The following SLC35F1 variants were observed in gnomAD, a reference collection of about 807,000 sequenced individuals.
SLC35F1 encodes solute carrier family 35 member F1, also known as chromosome 6 open reading frame 169.
Under a neutral mutation model 48.7 loss-of-function variants are expected in SLC35F1, and 14 were observed. The observed-to-expected ratio is 0.29, with a 90% CI of 0.19 to 0.45. The LOEUF (loss-of-function observed/expected upper bound fraction) is 0.45. Ranked by LOEUF, SLC35F1 falls within the 20% of genes least tolerant of loss-of-function variation. SLC35F1 has a pLI of 1.00. For missense variants in SLC35F1, 404 were observed against 500.0 expected (o/e 0.81, Z 1.83); for synonymous variants, 190 against 202.2 (o/e 0.94, Z 0.51).
chr6:117,935,311 T>C (rs1471715148), intron 1 of SLC35F1, among the ~76,000 whole-genome samples: 3 of 152,228 alleles, frequency 2.0e-5, no homozygotes, highest in African/African-American at 7.2e-5. Flanking sequence ...TTATGCTCTA[T>C]AAAGTTGCTG....
intron 1 of SLC35F1, among the ~76,000 whole-genome samples, chr6:118,098,410 C>T (rs932655157): frequency 5.9e-5 from 9 of 152,000 alleles, no homozygotes; most frequent in African/African-American, 2.2e-4. Flanking sequence ...ATTCCTTGAG[C>T]CAGAAATTAT....
At chr6:118,066,169 CT>C (rs1336065643) in intron 1 of SLC35F1, among the ~76,000 whole-genome samples, 3 of 152,106 alleles carry the variant, frequency 2.0e-5, no homozygotes, top group African/African-American at 7.2e-5. Flanking sequence ...TAGAAAAATA[CT>C]TTTTTGTAAC....
chr6:118,085,954 GA>G (rs1772984534), intron 1 of SLC35F1, among the ~76,000 whole-genome samples: 1 of 151,978 alleles, frequency 6.6e-6, no homozygotes, highest in Non-Finnish European at 1.5e-5. Context: ...TTGAGTTCAT[GA>G]AAAATATGAA....
intron 1 of SLC35F1, among the ~76,000 whole-genome samples, chr6:117,933,319 G>A (rs1005209846): frequency 6.6e-6 from 1 of 152,020 alleles, no homozygotes; most frequent in African/African-American, 2.4e-5. Flanking sequence ...TAAACTCTAC[G>A]AAGCTCTTCA....
intron 1 of SLC35F1, among the ~76,000 whole-genome samples, chr6:118,049,340 C>T (rs1772350152): frequency 6.6e-6 from 1 of 152,056 alleles, no homozygotes; most frequent in Non-Finnish European, 1.5e-5. Flanking sequence ...AAAGCAATGG[C>T]AACAAAAGCC....
At chr6:118,123,593 G>C (rs972469508) in intron 1 of SLC35F1, among the ~76,000 whole-genome samples, 3 of 152,116 alleles carry the variant, frequency 2.0e-5, no homozygotes, top group African/African-American at 7.2e-5. Context: ...GCCAATTTTG[G>C]ATGTGATGCA....
chr6:118,194,698 G>A (rs997397293), intron 2 of SLC35F1, among the ~76,000 whole-genome samples: 3 of 152,110 alleles, frequency 2.0e-5, no homozygotes, highest in Non-Finnish European at 1.5e-5. Flanking sequence ...CTTTACAGAG[G>A]AGATAAACAG....
intron 1 of SLC35F1, among the ~76,000 whole-genome samples, chr6:117,994,919 C>T (rs186191608): frequency 2.0e-4 from 30 of 152,142 alleles, no homozygotes; most frequent in African/African-American, 4.8e-4. Context: ...AATGTTATTG[C>T]GAAGTAAATG....
intron 6 of SLC35F1, among the ~76,000 whole-genome samples, chr6:118,279,637 G>A (rs957227392): frequency 2.6e-5 from 4 of 152,118 alleles, no homozygotes; most frequent in Non-Finnish European, 4.4e-5. Flanking sequence ...CTGGGAGATG[G>A]CATAACAGCC....
At position 118,265,781 on chromosome 6, in the gene SLC35F1, C is replaced by A. The variant is rs1775766011; in HGVS notation, c.478-1214C>A. On this transcript the variant is annotated intron_variant, in intron 3 of 7. Coordinates refer to ENST00000360388, the MANE Select transcript of SLC35F1 (RefSeq NM_001029858.4). ...GAGGATCACTGCCCTGTACTGGCAG[C>A]TGGGTGGTAGAGGCCACTTGTTTAG... 2.6e-5 allele frequency among the ~76,000 whole-genome samples: 4 copies of A among 152,196 alleles called. No individual in the cohort carries two copies. In the South Asian group the frequency reaches 8.3e-4, roughly 32 times the overall value.
At chr6:117,965,782 C>T (rs1311348523) in intron 1 of SLC35F1, among the ~76,000 whole-genome samples, 1 of 152,128 alleles carries the variant, frequency 6.6e-6, no homozygotes, top group Non-Finnish European at 1.5e-5. Flanking sequence ...TGGGTGGGGA[C>T]TTGGAGAACC....
chr6:118,035,624 AAACAAC>A (rs141949005), intron 1 of SLC35F1, among the ~76,000 whole-genome samples: 2 of 144,742 alleles, frequency 1.4e-5, no homozygotes, highest in Non-Finnish European at 3.0e-5. Flanking sequence ...CACAAAAAAA[AAACAAC>A]AACAACAAAA....
Position 117,908,541 on chromosome 6 carries a change from G to A in SLC35F1, c.173+642G>A, listed in dbSNP as rs575864635. On this transcript the variant is annotated intron_variant, in intron 1 of 7. Transcript: ENST00000360388. The stretch of plus-strand genomic sequence containing the variant: ...GTGCAAAACATTGCGGGCAGGGTGT[G>A]AGCCGGCGGCGCCCAGTTATTCCGA... Among the ~76,000 whole-genome samples, 7 of 152,294 alleles carry A rather than the reference G, an allele frequency of 4.6e-5. No individual in the cohort carries two copies. The South Asian group carries it at 6.2e-4, about 14-fold the overall frequency.
chr6:117,908,084 GC>G (rs1775716889), intron 1 of SLC35F1, among the ~76,000 whole-genome samples, 185 bp downstream of exon 1: 3 of 152,336 alleles, frequency 2.0e-5, no homozygotes, highest in East Asian at 3.9e-4. Flanking sequence ...TTGTCCCGGC[GC>G]AGGGAGCCCT....
At chr6:118,127,664 A>G (rs1431028628) in intron 1 of SLC35F1, among the ~76,000 whole-genome samples, 1 of 151,960 alleles carries the variant, frequency 6.6e-6, no homozygotes, top group African/African-American at 2.4e-5. Flanking sequence ...TTAATTCAAG[A>G]TGGATTAAAG....
chr6:118,125,028 A>AAT (rs1227424699), intron 1 of SLC35F1, among the ~76,000 whole-genome samples: 1 of 152,180 alleles, frequency 6.6e-6, no homozygotes, highest in Non-Finnish European at 1.5e-5. Context: ...CTCAGCTTCT[A>AAT]ATATTTACTC....
At chr6:117,998,209 C>A (rs1403412768) in intron 1 of SLC35F1, among the ~76,000 whole-genome samples, 5 of 146,892 alleles carry the variant, frequency 3.4e-5, no homozygotes, top group Admixed American at 2.0e-4. Flanking sequence ...GGGATCAATT[C>A]AACAAGAAGA....
At chr6:117,955,683 G>A (rs1034754929) in intron 1 of SLC35F1, among the ~76,000 whole-genome samples, 4 of 152,156 alleles carry the variant, frequency 2.6e-5, no homozygotes, top group Admixed American at 2.6e-4. Context: ...AACTGGAAAG[G>A]GTGAGAGAAA....
Position 118,043,482 on chromosome 6 carries a change from T to C in SLC35F1, c.174-110963T>C, listed in dbSNP as rs569788549. Among the ~76,000 whole-genome samples the C allele has an allele frequency of 1.1e-4, 16 of 152,260 alleles. No individual in the cohort carries two copies. In the South Asian group the frequency reaches 3.1e-3, roughly 30 times the overall value. On this transcript the variant is annotated intron_variant, in intron 1 of 7. Coordinates refer to ENST00000360388, the MANE Select transcript of SLC35F1 (RefSeq NM_001029858.4). ...AAGGCATTTCATGGCATGTAAATGG[T>C]ACCTTTTCAAGGCTTCATGTAGAAA...
Sources: allele counts gnomAD v4.1 joint callset (sites outside exome capture counted in the v4.1 genomes callset), GRCh38; gene constraint gnomAD v4.1.1; transcripts MANE v1.5; gene names NCBI Gene and HGNC (gene_info 2026-07-23, HGNC 2026-07-21).